The following NKAIN2 variants were observed in gnomAD, a reference collection of about 807,000 sequenced individuals.
NKAIN2 encodes sodium/potassium-transporting ATPase subunit beta-1-interacting protein 2.
A neutral mutation model predicts 32.6 loss-of-function variants in NKAIN2; 14 were observed. That is an observed-to-expected ratio of 0.43 (90% CI 0.28 to 0.67). The LOEUF (loss-of-function observed/expected upper bound fraction) is 0.67. NKAIN2 is among the 30% of genes least tolerant of loss of function. The pLI, the probability that NKAIN2 is intolerant of heterozygous loss-of-function variation, is 0.17. For missense variants in NKAIN2, 198 were observed against 258.3 expected (o/e 0.77, Z 1.60); for synonymous variants, 80 against 87.2 (o/e 0.92, Z 0.46).
chr6:123,853,530 C>G (rs753429048), intron 1 of NKAIN2, among the ~76,000 whole-genome samples: 12 of 152,058 alleles, frequency 7.9e-5, no homozygotes, highest in Non-Finnish European at 1.2e-4. Context: ...AAACAAAGCA[C>G]TGTGTTAGAA....
chr6:123,822,909 A>G (rs1773986281), intron 1 of NKAIN2, among the ~76,000 whole-genome samples: 3 of 152,198 alleles, frequency 2.0e-5, no homozygotes, highest in Admixed American at 2.0e-4. Context: ...CACTCTATAA[A>G]TGATATTTTT....
At chr6:123,895,068 T>G (rs1774206087) in intron 1 of NKAIN2, among the ~76,000 whole-genome samples, 1 of 151,872 alleles carries the variant, frequency 6.6e-6, no homozygotes, top group Non-Finnish European at 1.5e-5. Context: ...CACCCCTTTT[T>G]TTTTTGCCCT....
At chr6:124,295,098 T>C (rs1482312268) in intron 2 of NKAIN2, among the ~76,000 whole-genome samples, 2 of 152,160 alleles carry the variant, frequency 1.3e-5, no homozygotes, top group Admixed American at 6.6e-5. Context: ...AAAATTGGAA[T>C]TATGAGATGT....
chr6:124,550,718 T>C (rs913591409), intron 3 of NKAIN2, among the ~76,000 whole-genome samples: 1 of 152,158 alleles, frequency 6.6e-6, no homozygotes, highest in African/African-American at 2.4e-5. Flanking sequence ...AAGGAAGTGG[T>C]AATAGGTTCC....
chr6:124,030,526 T>C (rs1486484548), intron 1 of NKAIN2, among the ~76,000 whole-genome samples: 2 of 152,206 alleles, frequency 1.3e-5, no homozygotes, highest in Non-Finnish European at 2.9e-5. Context: ...AGGACAATGA[T>C]GGTGTACAAG....
At chr6:124,199,645 G>A (rs1790507427) in intron 1 of NKAIN2, among the ~76,000 whole-genome samples, 1 of 152,076 alleles carries the variant, frequency 6.6e-6, no homozygotes, top group Admixed American at 6.6e-5. Flanking sequence ...ACAAAGAATT[G>A]GATTTTCTTA....
At chr6:124,785,130 A>G (rs899725108) in intron 4 of NKAIN2, among the ~76,000 whole-genome samples, 1 of 151,918 alleles carries the variant, frequency 6.6e-6, no homozygotes, top group Non-Finnish European at 1.5e-5. Context: ...CATGTTTTCC[A>G]GTTTACTTTG....
chr6:124,192,574 T>C (rs1218019829), intron 1 of NKAIN2, among the ~76,000 whole-genome samples: 2 of 152,118 alleles, frequency 1.3e-5, no homozygotes, highest in African/African-American at 4.8e-5. Flanking sequence ...ACTGTTGTTA[T>C]GTGTAGTGTT....
intron 1 of NKAIN2, among the ~76,000 whole-genome samples, chr6:124,188,789 G>A (rs1789874323): frequency 6.6e-6 from 1 of 152,044 alleles, no homozygotes; most frequent in Admixed American, 6.5e-5. Context: ...TTATAGCTGT[G>A]TTTCAGCCTT....
intron 1 of NKAIN2, among the ~76,000 whole-genome samples, chr6:124,072,467 T>A (rs117050259): frequency 0.018 from 2,687 of 152,210 alleles, 45 homozygotes; most frequent in African/African-American, 0.041. Flanking sequence ...AAAAGAGAAG[T>A]TGAAATTATT....
chr6:124,377,835 T>C (rs1434348644), intron 3 of NKAIN2, among the ~76,000 whole-genome samples: 2 of 152,038 alleles, frequency 1.3e-5, no homozygotes, highest in Non-Finnish European at 2.9e-5. Context: ...GCCTTGGGAG[T>C]CCTCAATATT....
intron 3 of NKAIN2, among the ~76,000 whole-genome samples, chr6:124,480,628 GT>G (rs1777407347): frequency 1.3e-5 from 2 of 151,038 alleles, no homozygotes; most frequent in African/African-American, 4.9e-5. Flanking sequence ...ACCATTATCA[GT>G]TTGTTTTTAT....
At chr6:124,068,532 G>A (rs1025432626) in intron 1 of NKAIN2, among the ~76,000 whole-genome samples, 2 of 151,704 alleles carry the variant, frequency 1.3e-5, no homozygotes, top group African/African-American at 2.4e-5. Flanking sequence ...CTGGGACTAC[G>A]GGCATGGTTC....
intron 4 of NKAIN2, among the ~76,000 whole-genome samples, chr6:124,715,385 C>T (rs1314032492): frequency 6.6e-6 from 1 of 152,168 alleles, no homozygotes; most frequent in Non-Finnish European, 1.5e-5. Flanking sequence ...CGTCTTCTGA[C>T]CTGCTATCTT....
chr6:123,917,345 GT>G (rs1451517239), intron 1 of NKAIN2, among the ~76,000 whole-genome samples: 1 of 151,890 alleles, frequency 6.6e-6, no homozygotes. Context: ...GGAAGAAGCC[GT>G]TTTTTTGAAG....
At chr6:124,237,590 G>T (rs1434024935) in intron 1 of NKAIN2, among the ~76,000 whole-genome samples, 1 of 152,120 alleles carries the variant, frequency 6.6e-6, no homozygotes, top group Admixed American at 6.6e-5. Context: ...TTGTGTATTT[G>T]TGTGTTGGTA....
chr6:123,873,585 T>C (rs2114294698), intron 1 of NKAIN2, among the ~76,000 whole-genome samples: 1 of 152,220 alleles, frequency 6.6e-6, no homozygotes, highest in South Asian at 2.1e-4. Context: ...GGGAACTTTA[T>C]AGGAGGGCAT....
At chr6:124,811,775 T>C (rs1289908948) in intron 5 of NKAIN2, among the ~76,000 whole-genome samples, 2 of 152,156 alleles carry the variant, frequency 1.3e-5, no homozygotes, top group Admixed American at 1.3e-4. Context: ...ACCTTGATTG[T>C]GGTAAAGGTT....
intron 4 of NKAIN2, among the ~76,000 whole-genome samples, chr6:124,746,809 A>G (rs1024499031): frequency 2.0e-5 from 3 of 151,880 alleles, no homozygotes; most frequent in African/African-American, 7.2e-5. Context: ...TAAGTGACCT[A>G]TGGGACGTCG....
Sources: allele counts gnomAD v4.1 joint callset (sites outside exome capture counted in the v4.1 genomes callset), GRCh38; gene constraint gnomAD v4.1.1; transcripts MANE v1.5; gene names NCBI Gene and HGNC (gene_info 2026-07-23, HGNC 2026-07-21).